Variants in CSF1 observed in about 807,000 individuals in gnomAD.
CSF1 encodes the protein colony stimulating factor 1.
A neutral mutation model predicts 48.9 loss-of-function variants in CSF1; 9 were observed. The observed-to-expected ratio is 0.18, with a 90% CI of 0.11 to 0.32. The LOEUF (loss-of-function observed/expected upper bound fraction) is 0.32, where lower values mean the gene tolerates loss of function less well. CSF1 is among the 10% of genes least tolerant of loss of function. The probability of loss-of-function intolerance (pLI) is 1.00; values close to 1 mark genes in which losing one functional copy is unlikely to be tolerated. For missense variants in CSF1, 672 were observed against 697.9 expected (o/e 0.96, Z 0.42); for synonymous variants, 305 against 284.1 (o/e 1.07, Z -0.74).
chr1:109,925,219 G>A lies in CSF1; in HGVS notation c.*13+17G>A. The A allele has an allele frequency of 6.2e-7, 1 of 1,610,170 alleles. No individual in the cohort carries two copies. The highest frequency in any genetic ancestry group is 1.1e-5 in the South Asian group (1 of 90,984). On this transcript the variant is annotated intron_variant, in intron 8 of 8. Coordinates refer to ENST00000329608, the MANE Select transcript of CSF1 (RefSeq NM_000757.6). ...AATTCTAAGGTAAGATTCTGACTTT[G>A]ATCTCCACTCCTAAAACTTACCTAT...
chr1:109,921,311 G>A (rs1647525783), intron 4 of CSF1, among the ~76,000 whole-genome samples: 1 of 152,180 alleles, frequency 6.6e-6, no homozygotes, highest in Admixed American at 6.5e-5. Context: ...CCTTCTTTTA[G>A]TCTTTGGGCT....
rs1384862809 is a variant in CSF1 at position 109,923,496 on chromosome 1, A to C, written c.875A>C (p.Glu292Ala). Reference sequence around the variant, plus strand: ...GTCGGGGCCTTCAACCCCGGGATGGAGGATATTCTTGACTCTGCAATGGGC... The same window carrying C: ...GTCGGGGCCTTCAACCCCGGGATGGCGGATATTCTTGACTCTGCAATGGGC... ...PSVGAFNPGM[E>A]DILDSAMGTN... Residue 292 changes from glutamate (E) to alanine (A), a missense_variant, in exon 6 of 9, where the codon GAG becomes GCG. Glu to Ala is a moderately radical substitution (Grantham distance 107). Transcript: ENST00000329608. 1.1e-5 allele frequency: 17 copies of C among 1,613,910 alleles called. No individual in the cohort carries two copies. The highest frequency in any genetic ancestry group is 1.4e-5 in the Non-Finnish European group (16 of 1,179,992).
At chr1:109,922,024 G>A (rs763299983) in intron 5 of CSF1, 30 bp downstream of exon 5, 36 of 1,559,822 alleles carry the variant, frequency 2.3e-5, no homozygotes, top group East Asian at 6.9e-5. Context: ...GCAAGTGTGT[G>A]GGGGTGGTAG....
chr1:109,917,257 TG>T, intron 3 of CSF1, 35 bp from the exon 4 acceptor site: 1 of 1,599,684 alleles, frequency 6.3e-7, no homozygotes, highest in Non-Finnish European at 8.5e-7. Flanking sequence ...CAGGCCACAA[TG>T]GCCAGGCCAT....
In CSF1 at chr1:109,923,144, CT is replaced by C. The variant is rs769226616; in HGVS notation, c.545-20del. 7.3e-6 allele frequency: 11 copies of C among 1,506,852 alleles called. No homozygotes were observed. In the African/African-American group the frequency reaches 1.4e-4, roughly 19 times the overall value. The allele number at this position is 1,506,852 out of a possible 1,614,324, so 93.3% of individuals were successfully genotyped here. On this transcript the variant is annotated intron_variant, in intron 5 of 8. Coordinates refer to ENST00000329608, the MANE Select transcript of CSF1 (RefSeq NM_000757.6). ...TATCTCCTCCCCATCTTTCTCTCTC[CT>C]TCTCTCTGTGGTTCTTTCAGATGTG... is the stretch of plus-strand genomic sequence containing the variant.
rs755209927 is a variant in CSF1, at chr1:109,924,162, G to T, written c.1541G>T (p.Gly514Val). The change falls in exon 6 of 9, where the codon GGC (glycine) becomes GTC (valine). Residue 514 changes from glycine (G) to valine (V), a missense_variant. This residue lies in a region of CSF1 where 591 missense variants were observed against 593.6 expected (regional missense o/e 1.00). Coordinates refer to ENST00000329608, the MANE Select transcript of CSF1 (RefSeq NM_000757.6). ...SVILVLLAVG[G>V]LLFYRWRRRS... ...ATCCTGGTCTTGCTGGCCGTCGGAG[G>T]CCTCTTGTTCTACAGGTGGAGGCGG... is the stretch of plus-strand genomic sequence containing the variant. The T allele has an allele frequency of 6.2e-7, 1 of 1,612,916 alleles. No individual in the cohort carries two copies. Among genetic ancestry groups the T allele is most frequent in the African/African-American group, 1.3e-5 (1 of 75,022 alleles).
At chr1:109,911,159 C>G (rs1654665375) in intron 1 of CSF1, 97 bp downstream of exon 1, 1 of 785,936 alleles carries the variant, frequency 1.3e-6, no homozygotes, top group Admixed American at 6.1e-5. Context: ...ACAGCCTGGG[C>G]GCGCCGGCTG....
intron 8 of CSF1, among the ~76,000 whole-genome samples, chr1:109,927,793 G>A (rs1329182138): frequency 6.6e-6 from 1 of 152,186 alleles, no homozygotes; most frequent in Non-Finnish European, 1.5e-5. Context: ...AAACATAGAG[G>A]CAGAGACTGA....
intron 8 of CSF1, among the ~76,000 whole-genome samples, chr1:109,925,787 C>T (rs1647820922): frequency 6.6e-6 from 1 of 152,166 alleles, no homozygotes; most frequent in Non-Finnish European, 1.5e-5. Context: ...TCCATGTCCC[C>T]AACAGGGAGC....
At chr1:109,918,796 G>A (rs555669315) in intron 4 of CSF1, among the ~76,000 whole-genome samples, 9 of 152,124 alleles carry the variant, frequency 5.9e-5, no homozygotes, top group Admixed American at 3.9e-4. Flanking sequence ...CTAGGTGTGC[G>A]GGTCTTGAGT....
At chr1:109,924,678 C>T in intron 6 of CSF1, 98 bp from the exon 7 acceptor site, 1 of 1,106,060 alleles carries the variant, frequency 9.0e-7, no homozygotes, top group Middle Eastern at 2.0e-4. Flanking sequence ...ACTCTTGCAA[C>T]TCTCTCATAA....
chr1:109,915,057 C>A lies in CSF1; in HGVS notation c.163-577C>A, dbSNP rs1383770845. On this transcript the variant is annotated intron_variant, in intron 2 of 8. Coordinates refer to ENST00000329608, the MANE Select transcript of CSF1 (RefSeq NM_000757.6). ...GCCAGGCAGGGTGGGGCATCACTGG[C>A]TAACGCCAGCTCCAGGGCCCTGAGC... Among the ~76,000 whole-genome samples the A allele has an allele frequency of 2.0e-5, 3 of 152,120 alleles. No homozygotes were observed. The South Asian group carries it at 6.2e-4, about 31-fold the overall frequency.
chr1:109,922,124 G>C, intron 5 of CSF1, 130 bp downstream of exon 5: 2 of 1,082,222 alleles, frequency 1.8e-6, no homozygotes, highest in Non-Finnish European at 2.6e-6. Context: ...CCGTGTGCAT[G>C]AATGTGCTTG....
intron 4 of CSF1, among the ~76,000 whole-genome samples, chr1:109,920,927 C>T (rs992015680): frequency 2.6e-5 from 4 of 152,040 alleles, no homozygotes; most frequent in African/African-American, 7.2e-5. Flanking sequence ...GGGAGAAGAC[C>T]CAGGATGATG....
intron 2 of CSF1, 143 bp downstream of exon 2, chr1:109,914,524 C>A (rs927709121): frequency 1.6e-5 from 16 of 975,474 alleles, no homozygotes; most frequent in Non-Finnish European, 2.2e-5. Flanking sequence ...CTAGCTCCAC[C>A]AGTGATACCC....
rs1315754603 is a variant in CSF1, at chr1:109,923,905, C to T, written c.1284C>T (p.Ser428=). Residue 428 remains serine (S), a synonymous_variant, in exon 6 of 9, where the codon AGC becomes AGT. Coordinates refer to ENST00000329608, the MANE Select transcript of CSF1 (RefSeq NM_000757.6). ...CTGCTCAGCCACAGCTTTCCAGAAGCCACTCCTCGGGCAGCGTGCTGCCCC... is the reference window on the plus strand; with the variant it reads ...CTGCTCAGCCACAGCTTTCCAGAAGTCACTCCTCGGGCAGCGTGCTGCCCC... The part of the protein sequence containing the change: ...TLSAQPQLSR[S]HSSGSVLPLG... 4 of 1,613,982 alleles carry T rather than the reference C, an allele frequency of 2.5e-6. No individual in the cohort carries two copies. Among genetic ancestry groups the T allele is most frequent in the African/African-American group, 1.3e-5 (1 of 74,956 alleles).
At chr1:109,915,129 C>T (rs1050071151) in intron 2 of CSF1, among the ~76,000 whole-genome samples, 1 of 152,150 alleles carries the variant, frequency 6.6e-6, no homozygotes, top group Admixed American at 6.5e-5. Flanking sequence ...CCCAGCACTA[C>T]TTCTCCTGTA....
intron 8 of CSF1, chr1:109,926,803 A>C (rs909475230): frequency 6.6e-6 from 1 of 152,210 alleles, no homozygotes; most frequent in Non-Finnish European, 1.5e-5. Context: ...TACATTCCAC[A>C]TCCCTAAGAT....
In CSF1 at chr1:109,923,205, A is replaced by G; in HGVS notation, c.584A>G (p.Lys195Arg). 6.5e-7 allele frequency: 1 copy of G among 1,536,436 alleles called. No individual in the cohort carries two copies. The highest frequency in any genetic ancestry group is 8.7e-7 in the Non-Finnish European group (1 of 1,143,150). ...TKPDCNCLYP[K>R]AIPSSDPASV... is the part of the protein sequence containing the mutation. ...CCTGATTGCAACTGCCTGTACCCCA[A>G]AGCCATCCCTAGCAGTGACCCGGCC... Residue 195 changes from lysine (K) to arginine (R), a missense_variant, in exon 6 of 9, where the codon AAA becomes AGA. Physicochemically the swap from Lys to Arg is conservative, Grantham distance 26. This residue lies in a region of CSF1 where 591 missense variants were observed against 593.6 expected (regional missense o/e 1.00). Transcript: ENST00000329608.
Sources: gnomAD v4.1 joint callset for allele counts (sites outside exome capture counted in the v4.1 genomes callset) on GRCh38, gnomAD v4.1.1 for gene constraint, gnomAD v4.1.1 regional missense constraint, MANE v1.5 for transcripts, NCBI Gene and HGNC (gene_info 2026-07-23, HGNC 2026-07-21) for gene names.